The following GADL1 variants were observed in gnomAD, a reference collection of about 807,000 sequenced individuals.
GADL1 encodes GAD like acidic amino acid decarboxylase 1, also known as acidic amino acid decarboxylase GADL1.
In GADL1, 71 loss-of-function variants were observed where a neutral mutation model predicts 69.5. The observed-to-expected ratio is 1.02, with a 90% CI of 0.84 to 1.25. The LOEUF (loss-of-function observed/expected upper bound fraction) is 1.25. Among genes scored for constraint, GADL1 ranks in the 50% most tolerant of loss-of-function variants. GADL1 has a pLI of 0.00. For synonymous variants in GADL1, 254 were observed against 214.4 expected, an observed-to-expected ratio of 1.18 and a Z score of -1.62; for missense variants, 737 against 631.8, an observed-to-expected ratio of 1.17 and a Z score of -1.79.
At chr3:30,755,734 ATAAT>A (rs918235791) in intron 14 of GADL1, among the ~76,000 whole-genome samples, 26 of 144,630 alleles carry the variant, frequency 1.8e-4, no homozygotes, top group African/African-American at 4.7e-4. Flanking sequence ...TGTTCAATAA[ATAAT>A]TGTTAAACGA....
chr3:30,752,900 A>G (rs1695863504), intron 14 of GADL1, among the ~76,000 whole-genome samples: 1 of 152,206 alleles, frequency 6.6e-6, no homozygotes, highest in Non-Finnish European at 1.5e-5. Flanking sequence ...GTATAAGATG[A>G]TGGCAAGCTG....
intron 1 of GADL1, among the ~76,000 whole-genome samples, chr3:30,882,683 A>G (rs1156883896): frequency 2.0e-5 from 3 of 151,974 alleles, no homozygotes; most frequent in Non-Finnish European, 4.4e-5. Flanking sequence ...GATACTCAGA[A>G]GTAGAATTGC....
chr3:30,838,081 A>G (rs2125525708), intron 9 of GADL1, among the ~76,000 whole-genome samples: 1 of 152,234 alleles, frequency 6.6e-6, no homozygotes, highest in African/African-American at 2.4e-5. Flanking sequence ...TTATGTGGGT[A>G]TATCCCCCCA....
At chr3:30,734,031 G>C (rs1437105289) in intron 14 of GADL1, among the ~76,000 whole-genome samples, 1 of 152,178 alleles carries the variant, frequency 6.6e-6, no homozygotes, top group Non-Finnish European at 1.5e-5. Flanking sequence ...AGCCAACCTA[G>C]AGAGTCTTGA....
chr3:30,891,260 C>A (rs1371426345), intron 1 of GADL1, among the ~76,000 whole-genome samples: 1 of 152,080 alleles, frequency 6.6e-6, no homozygotes, highest in Non-Finnish European at 1.5e-5. Context: ...CCTTAGCAAC[C>A]AAACAGCAGA....
intron 14 of GADL1, among the ~76,000 whole-genome samples, chr3:30,743,149 C>T (rs1695651444): frequency 6.6e-6 from 1 of 151,886 alleles, no homozygotes; most frequent in South Asian, 2.1e-4. Flanking sequence ...CAGTTCTGAC[C>T]CAGTTTGAGA....
intron 14 of GADL1, among the ~76,000 whole-genome samples, chr3:30,767,803 A>G (rs1016663275): frequency 1.2e-4 from 19 of 152,210 alleles, no homozygotes; most frequent in African/African-American, 4.6e-4. Flanking sequence ...TTATTACTGA[A>G]GGCCATATTT....
At chr3:30,833,476 T>C (rs2125523422) in intron 11 of GADL1, among the ~76,000 whole-genome samples, 1 of 152,032 alleles carries the variant, frequency 6.6e-6, no homozygotes, top group East Asian at 1.9e-4. Flanking sequence ...ATGACACACA[T>C]CTGTTCCACT....
chr3:30,863,198 G>A (rs1698347619), intron 1 of GADL1, among the ~76,000 whole-genome samples: 1 of 151,912 alleles, frequency 6.6e-6, no homozygotes, highest in Non-Finnish European at 1.5e-5. Flanking sequence ...TTAATTCTAT[G>A]TTTAAATGTT....
At chr3:30,794,571 A>T (rs988306313) in intron 12 of GADL1, among the ~76,000 whole-genome samples, 9 of 152,116 alleles carry the variant, frequency 5.9e-5, no homozygotes, top group African/African-American at 2.2e-4. Flanking sequence ...AGTGTCACTG[A>T]TTTTCGAACC....
intron 1 of GADL1, among the ~76,000 whole-genome samples, chr3:30,877,171 T>G (rs978143194): frequency 2.6e-5 from 4 of 151,904 alleles, no homozygotes; most frequent in South Asian, 2.1e-4. Context: ...GGAGGTCACA[T>G]AGCTGATATA....
At chr3:30,796,046 T>G (rs565686771) in intron 12 of GADL1, among the ~76,000 whole-genome samples, 1 of 152,348 alleles carries the variant, frequency 6.6e-6, no homozygotes, top group South Asian at 2.1e-4. Flanking sequence ...GTGATATTTC[T>G]CTGCAGAAAT....
intron 14 of GADL1, among the ~76,000 whole-genome samples, chr3:30,761,480 GTTTA>G (rs76235514): frequency 0.42 from 64,024 of 151,622 alleles, 13,537 homozygotes; most frequent in Non-Finnish European, 0.44. Flanking sequence ...GGATAGATAT[GTTTA>G]TTTTTACTGC....
At chr3:30,810,289 A>C (rs1027331757) in intron 11 of GADL1, among the ~76,000 whole-genome samples, 1 of 152,176 alleles carries the variant, frequency 6.6e-6, no homozygotes, top group Non-Finnish European at 1.5e-5. Context: ...AATTGATATA[A>C]TGCTTTTAAC....
chr3:30,827,909 C>T (rs942258193), intron 11 of GADL1, among the ~76,000 whole-genome samples: 1 of 151,868 alleles, frequency 6.6e-6, no homozygotes, highest in African/African-American at 2.4e-5. Context: ...TCAAATGCTT[C>T]TCTTTTCTAA....
intron 12 of GADL1, among the ~76,000 whole-genome samples, chr3:30,792,274 T>C (rs774104342): frequency 1.3e-5 from 2 of 152,170 alleles, no homozygotes; most frequent in Non-Finnish European, 2.9e-5. Flanking sequence ...TTTTTGTCTA[T>C]GCTTAGAAGT....
intron 14 of GADL1, 151 bp downstream of exon 14, chr3:30,778,028 C>CT: frequency 1.7e-6 from 1 of 574,148 alleles, no homozygotes; most frequent in East Asian, 2.8e-5. Flanking sequence ...ATGTCTACAA[C>CT]TGTTTGGCCT....
rs554499677 is a variant in GADL1 at position 30,802,970 on chromosome 3, G to T, written c.1051-1882C>A. ...AAATTAGTTGGGCATGGTGGCATGT[G>T]CCTGTGGTTGTGGCGTATGCCTGAA... is the stretch of plus-strand genomic sequence containing the variant. On this transcript the variant is annotated intron_variant, in intron 11 of 14. Coordinates refer to ENST00000282538, the MANE Select transcript of GADL1 (RefSeq NM_207359.3). Among the ~76,000 whole-genome samples the T allele has an allele frequency of 9.6e-4, 146 of 152,302 alleles. No individual in the cohort carries two copies. The Middle Eastern group carries it at 0.01, about 11-fold the overall frequency.
intron 1 of GADL1, among the ~76,000 whole-genome samples, chr3:30,881,361 C>T (rs184619219): frequency 2.0e-5 from 3 of 152,004 alleles, no homozygotes; most frequent in Admixed American, 6.6e-5. Flanking sequence ...TAGATCTTAA[C>T]ATTTTCAGAG....
Sources: gnomAD v4.1 joint callset for allele counts (sites outside exome capture counted in the v4.1 genomes callset) on GRCh38, gnomAD v4.1.1 for gene constraint, MANE v1.5 for transcripts, NCBI Gene and HGNC (gene_info 2026-07-23, HGNC 2026-07-21) for gene names.